The following NRG3 variants were observed in gnomAD, a reference collection of about 807,000 sequenced individuals.
NRG3 encodes the protein neuregulin 3, also known as pro-neuregulin-3, membrane-bound isoform.
NRG3 carries 31 observed loss-of-function variants against 66.9 expected under a neutral mutation model. That is an observed-to-expected ratio of 0.46 (90% CI 0.35 to 0.63). NRG3 has a LOEUF of 0.63. Ranked by LOEUF, NRG3 falls within the 20% of genes least tolerant of loss-of-function variation. The pLI is 0.00. For missense variants in NRG3, 910 were observed against 878.9 expected, an observed-to-expected ratio of 1.04 and a Z score of -0.45; for synonymous variants, 393 against 359.4, an observed-to-expected ratio of 1.09 and a Z score of -1.06.
At chr10:82,687,514 G>C (rs2054603465) in intron 2 of NRG3, among the ~76,000 whole-genome samples, 1 of 152,086 alleles carries the variant, frequency 6.6e-6, no homozygotes, top group Non-Finnish European at 1.5e-5. Context: ...CAGATTCTGT[G>C]ATTCTGCTTT....
chr10:82,026,976 A>T (rs1017418309), intron 1 of NRG3, among the ~76,000 whole-genome samples: 5 of 152,032 alleles, frequency 3.3e-5, no homozygotes, highest in African/African-American at 7.2e-5. Context: ...TCTAATTATC[A>T]ATCACCTGTT....
intron 4 of NRG3, among the ~76,000 whole-genome samples, chr10:82,898,500 T>G (rs1248621118): frequency 6.6e-6 from 1 of 152,052 alleles, no homozygotes; most frequent in Admixed American, 6.5e-5. Flanking sequence ...CAAAAGTAGA[T>G]GGTGTGCCAC....
At chr10:82,527,549 G>T (rs572057711) in intron 2 of NRG3, among the ~76,000 whole-genome samples, 2 of 152,088 alleles carry the variant, frequency 1.3e-5, no homozygotes, top group Admixed American at 6.5e-5. Context: ...CAAATAAGAA[G>T]ATTTTTAAAA....
chr10:82,085,566 C>T (rs896700831), intron 1 of NRG3, among the ~76,000 whole-genome samples: 3 of 152,034 alleles, frequency 2.0e-5, no homozygotes, highest in Non-Finnish European at 4.4e-5. Context: ...GACAGACTCA[C>T]ACTTTTATTA....
intron 1 of NRG3, among the ~76,000 whole-genome samples, chr10:82,349,477 A>T (rs1222175350): frequency 2.6e-5 from 4 of 151,476 alleles, no homozygotes; most frequent in Non-Finnish European, 5.9e-5. Context: ...AAGCTGTCAG[A>T]CAGGGACATT....
intron 2 of NRG3, among the ~76,000 whole-genome samples, chr10:82,500,256 C>T (rs1844040194): frequency 6.6e-6 from 1 of 152,134 alleles, no homozygotes; most frequent in African/African-American, 2.4e-5. Context: ...TCCTAGGGAA[C>T]ATTTAATGAT....
At position 82,649,141 on chromosome 10, in the gene NRG3, A is replaced by G. The variant is rs954294516; in HGVS notation, c.954-89436A>G. On this transcript the variant is annotated intron_variant, in intron 2 of 8. Coordinates refer to ENST00000372141, the MANE Select transcript of NRG3 (RefSeq NM_001010848.4). ...CTGGCCAGGGCAATTAGGCAGGTGAAGGAAATAAAGGGTATTCAATTAGGA... is the reference window on the plus strand; with the variant it reads ...CTGGCCAGGGCAATTAGGCAGGTGAGGGAAATAAAGGGTATTCAATTAGGA... Among the ~76,000 whole-genome samples the G allele has an allele frequency of 3.3e-5, 5 of 152,152 alleles. 1 individual carries two copies. In the South Asian group the frequency reaches 6.2e-4, roughly 19 times the overall value.
intron 1 of NRG3, among the ~76,000 whole-genome samples, chr10:82,331,872 A>C (rs556878561): frequency 6.6e-6 from 1 of 152,340 alleles, no homozygotes; most frequent in Non-Finnish European, 1.5e-5. Context: ...TGGAAATTAT[A>C]ATGTTTCTGC....
intron 2 of NRG3, among the ~76,000 whole-genome samples, chr10:82,613,308 T>A (rs1440551855): frequency 6.6e-6 from 1 of 152,010 alleles, no homozygotes. Context: ...ATCTAATATT[T>A]TAAGGGCTTA....
intron 2 of NRG3, among the ~76,000 whole-genome samples, chr10:82,612,851 T>C (rs2048395275): frequency 6.6e-6 from 1 of 152,230 alleles, no homozygotes; most frequent in Non-Finnish European, 1.5e-5. Flanking sequence ...TTCTAAAATA[T>C]GTTTCTGCCT....
chr10:82,255,607 AC>A (rs1247796185), intron 1 of NRG3, among the ~76,000 whole-genome samples: 2 of 152,080 alleles, frequency 1.3e-5, no homozygotes, highest in African/African-American at 4.8e-5. Context: ...CAAAAAACAA[AC>A]AAACAAACAA....
intron 4 of NRG3, among the ~76,000 whole-genome samples, chr10:82,888,100 G>C (rs1842866413): frequency 6.6e-6 from 1 of 152,100 alleles, no homozygotes; most frequent in African/African-American, 2.4e-5. Flanking sequence ...AGCTCCCTTG[G>C]TGTGCTTTTA....
chr10:82,402,184 C>T (rs1233721702), intron 2 of NRG3, among the ~76,000 whole-genome samples: 2 of 151,930 alleles, frequency 1.3e-5, no homozygotes, highest in African/African-American at 4.8e-5. Context: ...AAAGAAGCCA[C>T]TGAGAAGCTG....
chr10:82,580,901 T>G (rs2046319109), intron 2 of NRG3, among the ~76,000 whole-genome samples: 1 of 147,210 alleles, frequency 6.8e-6, no homozygotes, highest in Non-Finnish European at 1.5e-5. Flanking sequence ...GTTTGTAAGT[T>G]TGTGTGTGTG....
chr10:81,980,739 G>A lies in NRG3; in HGVS notation c.823+104576G>A, dbSNP rs560054732. On this transcript the variant is annotated intron_variant, in intron 1 of 8. Coordinates refer to ENST00000372141, the MANE Select transcript of NRG3 (RefSeq NM_001010848.4). ...CGGAAATTTCTTTTCTCACAATTCT[G>A]GAGGCTAGAAGTTCAAGAGCAAGTT... is the stretch of plus-strand genomic sequence containing the variant. Among the ~76,000 whole-genome samples, 4 of 152,266 alleles carry A rather than the reference G, an allele frequency of 2.6e-5. No individual in the cohort carries two copies. The South Asian group carries it at 8.3e-4, about 32-fold the overall frequency.
intron 1 of NRG3, among the ~76,000 whole-genome samples, chr10:82,341,153 TA>T (rs1375398680): frequency 6.6e-6 from 1 of 152,240 alleles, no homozygotes; most frequent in East Asian, 1.9e-4. Context: ...AAAATATTTT[TA>T]ACATTGGTGT....
intron 1 of NRG3, among the ~76,000 whole-genome samples, chr10:82,315,696 C>T (rs2081257620): frequency 6.8e-6 from 1 of 146,326 alleles, no homozygotes; most frequent in South Asian, 2.2e-4. Flanking sequence ...GACGGAGTCT[C>T]ACTCTGTCGC....
At chr10:82,828,113 A>G (rs1039830973) in intron 3 of NRG3, among the ~76,000 whole-genome samples, 9 of 152,188 alleles carry the variant, frequency 5.9e-5, no homozygotes, top group African/African-American at 1.9e-4. Context: ...TCCGAGACCC[A>G]CTAAAATTGG....
At chr10:82,116,430 C>G (rs1426782174) in intron 1 of NRG3, among the ~76,000 whole-genome samples, 1 of 151,976 alleles carries the variant, frequency 6.6e-6, no homozygotes, top group Non-Finnish European at 1.5e-5. Flanking sequence ...TGCTATGTAT[C>G]AACATTTAAT....
Sources: allele counts gnomAD v4.1 joint callset (sites outside exome capture counted in the v4.1 genomes callset), GRCh38; gene constraint gnomAD v4.1.1; transcripts MANE v1.5; gene names NCBI Gene and HGNC (gene_info 2026-07-23, HGNC 2026-07-21).